CSF2RA: variants seen among roughly 807,000 people sequenced by gnomAD.
CSF2RA encodes colony stimulating factor 2 receptor subunit alpha, also known as granulocyte-macrophage colony-stimulating factor receptor subunit alpha.
A neutral mutation model predicts 51.6 loss-of-function variants in CSF2RA; 42 were observed. That is an observed-to-expected ratio of 0.81 (90% CI 0.64 to 1.05). CSF2RA has a LOEUF of 1.05. CSF2RA is among the 50% of genes least tolerant of loss of function. CSF2RA has a pLI of 0.00. For missense variants in CSF2RA, 530 were observed against 501.1 expected (o/e 1.06, Z -0.55); for synonymous variants, 222 against 193.0 (o/e 1.15, Z -1.24).
intron 7 of CSF2RA, among the ~76,000 whole-genome samples, chrX:1,292,753 G>A (rs1225832868): frequency 2.6e-5 from 4 of 152,052 alleles, no homozygotes; most frequent in Non-Finnish European, 5.9e-5. Context: ...GGTTTTACAC[G>A]GAGACATTCC....
chrX:1,277,969 T>C (rs2089414114), intron 2 of CSF2RA, among the ~76,000 whole-genome samples: 2 of 108,980 alleles, frequency 1.8e-5, no homozygotes, highest in East Asian at 2.7e-4. Flanking sequence ...AGAATGAGAC[T>C]CAGTCTCAAA....
chrX:1,270,058 C>A (rs1240281660), intron 1 of CSF2RA, among the ~76,000 whole-genome samples: 6 of 150,794 alleles, frequency 4.0e-5, no homozygotes, highest in African/African-American at 1.5e-4. Context: ...GCAGTGAGCC[C>A]AGATTGCACC....
At chrX:1,288,482 G>A in intron 4 of CSF2RA, 37 bp from the exon 5 acceptor site, 1 of 1,613,758 alleles carries the variant, frequency 6.2e-7, no homozygotes, top group Non-Finnish European at 8.5e-7. Flanking sequence ...ACAGAAGGTT[G>A]TTTCCTAATC....
chrX:1,294,177 C>T, intron 7 of CSF2RA, 151 bp from the exon 8 acceptor site: 1 of 942,220 alleles, frequency 1.1e-6, no homozygotes, highest in South Asian at 1.3e-5. Context: ...TGTCCCTACT[C>T]CACCTCCACC....
chrX:1,282,837 C>G (rs1432935992), intron 3 of CSF2RA, 58 bp downstream of exon 3: 2 of 1,415,588 alleles, frequency 1.4e-6, no homozygotes, highest in African/African-American at 2.9e-5. Flanking sequence ...TGTCCTGCAT[C>G]TGGAGACCCA....
At chrX:1,313,669 G>A (rs1387740520), downstream of CSF2RA, among the ~76,000 whole-genome samples, 6 of 151,576 alleles carry the variant, frequency 4.0e-5, no homozygotes, top group South Asian at 2.1e-4. Context: ...CCAAGATCAC[G>A]CCATTGCACT....
chrX:1,316,279 TA>T, the CSF2RA span, among the ~76,000 whole-genome samples: 1 of 145,832 alleles, frequency 6.9e-6, no homozygotes, highest in African/African-American at 2.7e-5. Context: ...GATAGATAGA[TA>T]GATAGATAGA....
intron 3 of CSF2RA, 52 bp downstream of exon 3, chrX:1,282,831 C>T (rs2090200414): frequency 6.9e-7 from 1 of 1,456,170 alleles, no homozygotes; most frequent in Non-Finnish European, 9.6e-7. Context: ...TTTAGATGTC[C>T]TGCATCTGGA....
chrX:1,280,196 G>T (rs1407915655), intron 2 of CSF2RA, among the ~76,000 whole-genome samples: 2 of 152,126 alleles, frequency 1.3e-5, no homozygotes, highest in African/African-American at 4.8e-5. Flanking sequence ...CAAAGGCCGG[G>T]TGCAGTGGTT....
chrX:1,281,481 CTTCTCCTCCTCTTCCTCCTACTCCT>C (rs2090063571), intron 2 of CSF2RA, among the ~76,000 whole-genome samples: 1 of 148,940 alleles, frequency 6.7e-6, no homozygotes, highest in African/African-American at 2.5e-5. Context: ...CCTCCTGCTC[CTTCTCCTCCTCTTCCTCCTACTCCT>C]CCTTCTCTTC....
chrX:1,288,085 C>T (rs1338414793), intron 4 of CSF2RA, among the ~76,000 whole-genome samples: 1 of 151,834 alleles, frequency 6.6e-6, no homozygotes, highest in Admixed American at 6.6e-5. Context: ...TGAGTTTTCA[C>T]CTGCAAGCTG....
chrX:1,314,319 A>ACTGCACCTGCCCAACCG (rs2084345041), downstream of CSF2RA, among the ~76,000 whole-genome samples: 6 of 63,978 alleles, frequency 9.4e-5, 1 homozygote, highest in African/African-American at 2.8e-4. Context: ...CTGCCCAACC[A>ACTGCACCTGCCCAACCG]CACTGCACCT....
At chrX:1,286,244 G>C (rs1391282111) in intron 4 of CSF2RA, among the ~76,000 whole-genome samples, 1 of 151,902 alleles carries the variant, frequency 6.6e-6, no homozygotes, top group African/African-American at 2.4e-5. Flanking sequence ...TTGCACTCCA[G>C]CCTGGGTGAC....
chrX:1,288,995 T>C, intron 6 of CSF2RA, 107 bp downstream of exon 6: 3 of 1,482,020 alleles, frequency 2.0e-6, no homozygotes, highest in Non-Finnish European at 2.8e-6. Context: ...ATGGTCTTGC[T>C]CTGTTGCCCA....
rs377311347 is a variant in CSF2RA, at chrX:1,290,517, T to C, written c.646+8T>C. ...TGGACACAAAGAAAATAGGTGAGAA[T>C]AACACATATGATTTTCCTATTGTTT... On this transcript the variant is annotated splice_region_variant and intron_variant, in intron 7 of 12. Coordinates refer to ENST00000381529, the MANE Select transcript of CSF2RA (RefSeq NM_172245.4). The C allele has an allele frequency of 7.5e-5, 121 of 1,612,878 alleles. No individual in the cohort carries two copies. The highest frequency in any genetic ancestry group is 4.9e-4 in the Middle Eastern group (3 of 6,078).
chrX:1,319,726 T>C, the CSF2RA span, among the ~76,000 whole-genome samples: 1 of 146,418 alleles, frequency 6.8e-6, no homozygotes. Context: ...TTTTTTTTTT[T>C]TTTTTTTAGA....
intron 1 of CSF2RA, among the ~76,000 whole-genome samples, chrX:1,274,038 G>A (rs1196119454): frequency 8.6e-5 from 13 of 151,854 alleles, no homozygotes; most frequent in African/African-American, 2.9e-4. Context: ...AGGATCAGCC[G>A]AAAATTTCCA....
intron 7 of CSF2RA, among the ~76,000 whole-genome samples, chrX:1,293,156 T>C (rs2091559213): frequency 6.6e-6 from 1 of 152,178 alleles, no homozygotes; most frequent in Non-Finnish European, 1.5e-5. Context: ...CAGATCACAA[T>C]GGAGTTTCTT....
intron 9 of CSF2RA, among the ~76,000 whole-genome samples, chrX:1,298,629 T>C (rs867724390): frequency 2.7e-4 from 1 of 3,746 alleles, no homozygotes; most frequent in African/African-American, 6.8e-4. Flanking sequence ...CCCTACACTC[T>C]CCTACCCATG....
Sources: allele counts gnomAD v4.1 joint callset (sites outside exome capture counted in the v4.1 genomes callset), GRCh38; gene constraint gnomAD v4.1.1; transcripts MANE v1.5; gene names NCBI Gene and HGNC (gene_info 2026-07-23, HGNC 2026-07-21).